Variants in ASTN1 observed in about 807,000 individuals in gnomAD.
ASTN1 encodes astrotactin 1.
Under a neutral mutation model 140.7 loss-of-function variants are expected in ASTN1, and 41 were observed. That is an observed-to-expected ratio of 0.29 (90% CI 0.23 to 0.38). The LOEUF (loss-of-function observed/expected upper bound fraction) is 0.38, where lower values mean the gene tolerates loss of function less well. ASTN1 is among the 10% of genes least tolerant of loss of function. The probability of loss-of-function intolerance (pLI) is 1.00; values close to 1 mark genes in which losing one functional copy is unlikely to be tolerated. For missense variants in ASTN1, 1,479 were observed against 1,678.8 expected, an observed-to-expected ratio of 0.88 and a Z score of 2.08; for synonymous variants, 640 against 652.2, an observed-to-expected ratio of 0.98 and a Z score of 0.29.
chr1:176,951,708 T>C (rs1203212468), intron 11 of ASTN1, among the ~76,000 whole-genome samples: 1 of 152,236 alleles, frequency 6.6e-6, no homozygotes, highest in South Asian at 2.1e-4. Context: ...AACGTCTAGA[T>C]GACCACTGCT....
At chr1:177,122,929 T>A (rs1178019138) in intron 1 of ASTN1, among the ~76,000 whole-genome samples, 3 of 152,134 alleles carry the variant, frequency 2.0e-5, no homozygotes, top group Non-Finnish European at 4.4e-5. Context: ...TGGAGGCCTC[T>A]ACCTTCTTCT....
At chr1:177,032,887 G>T in intron 2 of ASTN1, 38 bp from the exon 3 acceptor site, 9 of 1,535,648 alleles carry the variant, frequency 5.9e-6, no homozygotes, top group African/African-American at 1.4e-5. Flanking sequence ...TGGGAAGATG[G>T]GTAGGCTCTT....
intron 1 of ASTN1, among the ~76,000 whole-genome samples, chr1:177,138,219 C>A (rs1332770858): frequency 6.6e-6 from 1 of 152,180 alleles, no homozygotes; most frequent in Non-Finnish European, 1.5e-5. Flanking sequence ...TCAAGGTCAA[C>A]CTTACAGCCA....
chr1:176,995,624 G>A (rs1172021805), intron 8 of ASTN1, among the ~76,000 whole-genome samples: 3 of 152,188 alleles, frequency 2.0e-5, no homozygotes, highest in Admixed American at 6.5e-5. Context: ...AGATGGGGCA[G>A]AGAGGGTTGG....
chr1:176,957,976 T>C (rs1021981122), intron 10 of ASTN1, 148 bp from the exon 11 acceptor site: 39 of 1,100,952 alleles, frequency 3.5e-5, no homozygotes, highest in Non-Finnish European at 5.0e-5. Context: ...CTCCAAGCCT[T>C]GAACTAACAA....
chr1:176,874,097 C>T (rs763756416), intron 21 of ASTN1, among the ~76,000 whole-genome samples: 2 of 152,198 alleles, frequency 1.3e-5, no homozygotes, highest in Non-Finnish European at 2.9e-5. Flanking sequence ...GCAGGCTGTA[C>T]TACCTGCAAG....
chr1:176,913,765 A>G (rs1002799782), intron 16 of ASTN1, among the ~76,000 whole-genome samples: 2 of 152,234 alleles, frequency 1.3e-5, no homozygotes, highest in African/African-American at 4.8e-5. Context: ...TCTGGTGTGG[A>G]GAAGCATCAT....
downstream of ASTN1, among the ~76,000 whole-genome samples, chr1:176,858,543 C>T (rs1215302964): frequency 4.6e-5 from 7 of 152,146 alleles, no homozygotes; most frequent in African/African-American, 1.7e-4. Flanking sequence ...ACCATTAAAG[C>T]ATAGTAAAAG....
intron 2 of ASTN1, among the ~76,000 whole-genome samples, chr1:177,058,848 C>A (rs1457694632): frequency 6.6e-6 from 1 of 151,086 alleles, no homozygotes; most frequent in East Asian, 1.9e-4. Flanking sequence ...CACACACATA[C>A]ACACACACTT....
At chr1:177,158,655 CGTGTGTGTGTGT>C (rs34610563) in intron 1 of ASTN1, among the ~76,000 whole-genome samples, 10 of 142,712 alleles carry the variant, frequency 7.0e-5, no homozygotes, top group South Asian at 2.3e-4. Flanking sequence ...GAAAAAAGTA[CGTGTGTGTGTGT>C]GTGTGTGTGT....
chr1:177,018,460 G>A (rs568931828), intron 7 of ASTN1, among the ~76,000 whole-genome samples: 12 of 152,296 alleles, frequency 7.9e-5, no homozygotes, highest in Non-Finnish European at 1.5e-4. Flanking sequence ...GAAGTGGGTC[G>A]AATGCCCCTC....
intron 1 of ASTN1, among the ~76,000 whole-genome samples, chr1:177,151,928 A>C (rs759974164): frequency 1.3e-5 from 2 of 152,142 alleles, no homozygotes; most frequent in African/African-American, 2.4e-5. Flanking sequence ...TTTTCAATAA[A>C]GCAGCCATCC....
intron 8 of ASTN1, among the ~76,000 whole-genome samples, chr1:176,989,496 C>G (rs563735134): frequency 6.6e-6 from 1 of 152,142 alleles, no homozygotes; most frequent in East Asian, 1.9e-4. Context: ...GCATTCGTAT[C>G]CCTAGAAAAA....
intron 14 of ASTN1, among the ~76,000 whole-genome samples, chr1:176,943,047 G>A (rs1020533572): frequency 6.6e-6 from 1 of 151,230 alleles, no homozygotes; most frequent in African/African-American, 2.4e-5. Context: ...CAAAGGTATT[G>A]AATAAGGAAG....
At chr1:177,034,657 C>T (rs1482160220) in intron 2 of ASTN1, among the ~76,000 whole-genome samples, 1 of 152,148 alleles carries the variant, frequency 6.6e-6, no homozygotes, top group Non-Finnish European at 1.5e-5. Flanking sequence ...AGCCCTGTAC[C>T]ACTCATTGAC....
At chr1:176,884,611 T>G in intron 18 of ASTN1, 121 bp from the exon 19 acceptor site, 2 of 1,084,118 alleles carry the variant, frequency 1.8e-6, no homozygotes, top group Non-Finnish European at 2.6e-6. Context: ...AAATGATCTC[T>G]TTGAGGGCCT....
intron 16 of ASTN1, among the ~76,000 whole-genome samples, chr1:176,910,353 T>C (rs372715024): frequency 2.0e-5 from 3 of 152,112 alleles, no homozygotes; most frequent in African/African-American, 7.2e-5. Flanking sequence ...TTTGTTTCCA[T>C]CAAAAAGTTT....
At chr1:177,115,103 G>T (rs898420844) in intron 1 of ASTN1, among the ~76,000 whole-genome samples, 35 of 152,182 alleles carry the variant, frequency 2.3e-4, no homozygotes, top group African/African-American at 7.9e-4. Flanking sequence ...GCCCTACTCT[G>T]TTCAACAGAC....
intron 1 of ASTN1, among the ~76,000 whole-genome samples, chr1:177,154,607 A>T (rs2102253578): frequency 6.6e-6 from 1 of 152,252 alleles, no homozygotes; most frequent in Admixed American, 6.5e-5. Context: ...ATATGACACC[A>T]CCATTTCCTT....
Sources: allele counts gnomAD v4.1 joint callset (sites outside exome capture counted in the v4.1 genomes callset), GRCh38; gene constraint gnomAD v4.1.1; transcripts MANE v1.5; gene names NCBI Gene and HGNC (gene_info 2026-07-23, HGNC 2026-07-21).